MTAP: variants seen among roughly 807,000 people sequenced by gnomAD.
MTAP encodes S-methyl-5'-thioadenosine phosphorylase.
A neutral mutation model predicts 33.6 loss-of-function variants in MTAP; 33 were observed. That is an observed-to-expected ratio of 0.98 (90% CI 0.74 to 1.31). MTAP has a LOEUF of 1.31. Ranked by LOEUF, MTAP falls within the 40% of genes most tolerant of loss-of-function variation. The pLI, the probability that MTAP is intolerant of heterozygous loss-of-function variation, is 0.00. For missense variants in MTAP, 367 were observed against 360.0 expected (o/e 1.02, Z -0.16); for synonymous variants, 148 against 125.7 (o/e 1.18, Z -1.19).
chr9:21,835,057 AG>A (rs1205346922), intron 4 of MTAP, among the ~76,000 whole-genome samples: 4 of 152,204 alleles, frequency 2.6e-5, no homozygotes, highest in Admixed American at 1.3e-4. Context: ...GTCCAAAAAA[AG>A]TTGCCAGCAG....
chr9:21,872,522 A>G (rs900438104), intron 1 of MTAP, among the ~76,000 whole-genome samples: 3 of 152,210 alleles, frequency 2.0e-5, no homozygotes, highest in Non-Finnish European at 2.9e-5. Context: ...CCATCTGTCT[A>G]CAGATATACA....
chr9:21,870,082 C>T (rs192662721), downstream of MTAP, among the ~76,000 whole-genome samples: 146 of 152,272 alleles, frequency 9.6e-4, no homozygotes, highest in Admixed American at 9.5e-3. Flanking sequence ...AACACTCTCC[C>T]AGCAGATAAC....
intron 4 of MTAP, among the ~76,000 whole-genome samples, chr9:21,837,044 G>A (rs993158819): frequency 2.0e-5 from 3 of 152,144 alleles, no homozygotes; most frequent in African/African-American, 4.8e-5. Flanking sequence ...TAGAATAATT[G>A]AATGCACAGA....
downstream of MTAP, chr9:21,867,222 T>TAGA (rs537264088): frequency 6.6e-6 from 1 of 152,180 alleles, no homozygotes; most frequent in Non-Finnish European, 1.5e-5. Flanking sequence ...TAATGTTGAA[T>TAGA]AGAAGCGGTG....
intron 1 of MTAP, among the ~76,000 whole-genome samples, chr9:21,928,269 G>A (rs1818899812): frequency 6.6e-6 from 1 of 152,172 alleles, no homozygotes; most frequent in Admixed American, 6.5e-5. Context: ...TTTGTAAATG[G>A]GTGTTCAGTG....
rs932008236 is a variant in MTAP at position 21,818,128 on chromosome 9, G to C, written c.273G>C (p.Val91=). The part of the protein sequence containing the change: ...LKEEGCTHVI[V]TTACGSLREE... ...AAGAGGGCTGTACACATGTCATAGTGACCACAGCTTGTGGCTCCTTGAGGG... is the reference window on the plus strand; with the variant it reads ...AAGAGGGCTGTACACATGTCATAGTCACCACAGCTTGTGGCTCCTTGAGGG... The change falls in exon 4 of 8, where the codon GTG becomes GTC. Residue 91 remains valine, a synonymous_variant. Transcript: ENST00000644715. 6.2e-7 allele frequency: 1 copy of C among 1,613,868 alleles called. No individual in the cohort carries two copies. The highest frequency in any genetic ancestry group is 8.5e-7 in the Non-Finnish European group (1 of 1,179,994).
chr9:21,809,401 A>G (rs1408114482), intron 1 of MTAP, among the ~76,000 whole-genome samples: 2 of 152,028 alleles, frequency 1.3e-5, no homozygotes, highest in Non-Finnish European at 2.9e-5. Flanking sequence ...GCACTTTGGG[A>G]GGCTGAGGCG....
At chr9:21,883,436 T>C (rs983397552) in intron 1 of MTAP, among the ~76,000 whole-genome samples, 1 of 152,068 alleles carries the variant, frequency 6.6e-6, no homozygotes, top group African/African-American at 2.4e-5. Context: ...AGTGAGAGCA[T>C]AAATTGATAG....
chr9:21,902,816 C>T (rs1818413795), intron 1 of MTAP, among the ~76,000 whole-genome samples: 1 of 152,072 alleles, frequency 6.6e-6, no homozygotes, highest in Non-Finnish European at 1.5e-5. Flanking sequence ...TCTTTTATTA[C>T]CTTTAAGGGC....
downstream of MTAP, among the ~76,000 whole-genome samples, chr9:21,938,693 A>C (rs1176247707): frequency 6.6e-6 from 1 of 152,180 alleles, no homozygotes; most frequent in East Asian, 1.9e-4. Context: ...ATGAACTTTC[A>C]TCAGATCTTT....
chr9:21,876,671 T>A lies in MTAP; in HGVS notation c.147+21801T>A, dbSNP rs188735422. Among the ~76,000 whole-genome samples the A allele has an allele frequency of 1.8e-3, 268 of 151,756 alleles. 1 individual carries two copies. Among genetic ancestry groups the A allele is most frequent in the South Asian group, 7.7e-3 (37 of 4,802 alleles). On this transcript the variant is annotated intron_variant, in intron 1 of 1. Transcript: ENST00000577563. ...TTTTGTCAGCTTTGTCAAAGATCAG[T>A]TATAGATGTGCAGCCTTATTTCTGG...
chr9:21,859,107 G>A (rs751226216), intron 6 of MTAP, 196 bp from the exon 7 acceptor site: 7 of 579,928 alleles, frequency 1.2e-5, no homozygotes, highest in African/African-American at 1.9e-5. Flanking sequence ...TATCCACGAG[G>A]ACTCTGCCTT....
chr9:21,937,900 G>A (rs966747160), downstream of MTAP, among the ~76,000 whole-genome samples: 30 of 152,274 alleles, frequency 2.0e-4, no homozygotes, highest in African/African-American at 6.3e-4. Context: ...AGCACTTTGG[G>A]AGGCCAAGGT....
chr9:21,828,058 C>T (rs1282709034), intron 4 of MTAP, among the ~76,000 whole-genome samples: 1 of 152,202 alleles, frequency 6.6e-6, no homozygotes, highest in Admixed American at 6.5e-5. Flanking sequence ...GTTTCACATA[C>T]TGGCTCTTTC....
At chr9:21,897,323 A>G (rs913126096) in intron 1 of MTAP, among the ~76,000 whole-genome samples, 5 of 152,220 alleles carry the variant, frequency 3.3e-5, no homozygotes, top group Admixed American at 2.6e-4. Flanking sequence ...ACTGGCACAA[A>G]ACAGGGATGC....
At chr9:21,882,213 A>G (rs567725614) in intron 1 of MTAP, among the ~76,000 whole-genome samples, 1 of 151,972 alleles carries the variant, frequency 6.6e-6, no homozygotes, top group Non-Finnish European at 1.5e-5. Flanking sequence ...GAAAACTTAA[A>G]CACAAGACGA....
rs962513345 is a variant in MTAP, at chr9:21,864,440, A to G, written c.*2426A>G. 24 of 985,296 alleles carry G rather than the reference A, an allele frequency of 2.4e-5. No individual in the cohort carries two copies. The South Asian group carries it at 9.9e-4, about 40-fold the overall frequency. 61.0% of individuals were successfully genotyped at this position (985,296 alleles called of 1,614,324 possible). ...TTTCCGCAAAGGATGGATGGTGAGC[A>G]TCATGGGAAAGCTGTAGTTTAGTGA... On this transcript the variant is annotated 3_prime_UTR_variant, in exon 8 of 8. Coordinates refer to ENST00000644715, the MANE Select transcript of MTAP (RefSeq NM_002451.4).
intron 5 of MTAP, among the ~76,000 whole-genome samples, chr9:21,840,927 C>T (rs1011415260): frequency 6.6e-6 from 1 of 152,152 alleles, no homozygotes; most frequent in African/African-American, 2.4e-5. Flanking sequence ...TGAGACTAGC[C>T]TCACCAACTG....
downstream of MTAP, chr9:21,932,445 C>T (rs190637909): frequency 1.7e-4 from 26 of 152,350 alleles, no homozygotes; most frequent in African/African-American, 5.3e-4. Flanking sequence ...TCTTCAATTA[C>T]TCCTGCAGAT....
Sources: gnomAD v4.1 joint callset for allele counts (sites outside exome capture counted in the v4.1 genomes callset) on GRCh38, gnomAD v4.1.1 for gene constraint, MANE v1.5 for transcripts, NCBI Gene and HGNC (gene_info 2026-07-23, HGNC 2026-07-21) for gene names.